The following MICB variants were observed in gnomAD, a reference collection of about 807,000 sequenced individuals.
MICB encodes MHC class I antigen-related protein B.
MICB carries 27 observed loss-of-function variants against 34.3 expected under a neutral mutation model. That is an observed-to-expected ratio of 0.79 (90% confidence interval 0.58 to 1.08). The LOEUF is 1.08. Among genes scored for constraint, MICB ranks in the 50% least tolerant of loss-of-function variants. The probability of loss-of-function intolerance (pLI) is 0.00; values close to 1 mark genes in which losing one functional copy is unlikely to be tolerated. For synonymous variants in MICB, 153 were observed against 187.4 expected (o/e 0.82, Z 1.50); for missense variants, 426 against 483.1 (o/e 0.88, Z 1.11).
intron 3 of MICB, among the ~76,000 whole-genome samples, chr6:31,506,815 G>A (rs1193586894): frequency 2.0e-5 from 3 of 152,158 alleles, no homozygotes; most frequent in Admixed American, 2.0e-4. Context: ...TCAATGTGGG[G>A]ATCCCAGAGC....
In MICB at chr6:31,504,254, C is replaced by CTTTTTTTTTTTT. The variant is rs9281513; in HGVS notation, c.71-1351_71-1340dup. 1.9e-3 allele frequency among the ~76,000 whole-genome samples: 113 copies of CTTTTTTTTTTTT among 60,270 alleles called. 5 individuals are homozygous for CTTTTTTTTTTTT. The highest frequency in any genetic ancestry group is 2.2e-3 in the East Asian group (4 of 1,848). The allele number at this position is 60,270 out of a possible 152,430, so 39.5% of individuals were successfully genotyped here. On this transcript the variant is annotated intron_variant, in intron 1 of 5. Transcript: ENST00000252229. The stretch of plus-strand genomic sequence containing the variant: ...TCTGGAAACTAATCTCTCTCTTTTT[C>CTTTTTTTTTTTT]TTTTTTTTTTTTTTTTTTTTTTTGA...
In MICB at chr6:31,507,652, TG is replaced by T; in HGVS notation, c.1024+125del. 1 of 1,214,904 alleles carries T rather than the reference TG, an allele frequency of 8.2e-7. No individual in the cohort carries two copies. The highest frequency in any genetic ancestry group is 1.2e-6 in the Non-Finnish European group (1 of 855,036). 75.3% of individuals were successfully genotyped at this position (1,214,904 alleles called of 1,614,324 possible). On this transcript the variant is annotated intron_variant, in intron 5 of 5. Transcript: ENST00000252229. The surrounding 1 kb of genome is among the most constrained non-coding windows in gnomAD (Gnocchi z 6.0). ...GGCTGCTGGGACAGGGGATGGAAGC[TG>T]GGGTATTTGGGAGGGGAATGGGAGC...
At chr6:31,500,347 A>G (rs1274365951) in intron 1 of MICB, among the ~76,000 whole-genome samples, 1 of 151,986 alleles carries the variant, frequency 6.6e-6, no homozygotes, top group East Asian at 1.9e-4. Flanking sequence ...GTATATATTT[A>G]TGGGGTACAT....
chr6:31,499,389 C>T (rs1327115557), intron 1 of MICB, among the ~76,000 whole-genome samples: 3 of 151,998 alleles, frequency 2.0e-5, no homozygotes, highest in Non-Finnish European at 4.4e-5. Flanking sequence ...TGATCCATTT[C>T]TAGGGTGTCC....
At chr6:31,505,498 T>C (rs1042844510) in intron 1 of MICB, 119 bp from the exon 2 acceptor site, 145 of 1,419,878 alleles carry the variant, frequency 1.0e-4, no homozygotes, top group African/African-American at 1.6e-4. Context: ...GTTCTTGTCC[T>C]TTTGCCCATG....
chr6:31,495,192 T>C (rs1193201221), upstream of MICB, among the ~76,000 whole-genome samples: 10 of 152,172 alleles, frequency 6.6e-5, no homozygotes, highest in Admixed American at 5.9e-4. Flanking sequence ...ACTGGCTTCA[T>C]GTCTCCCTGA....
chr6:31,499,129 T>C (rs1347398525), intron 1 of MICB, among the ~76,000 whole-genome samples: 1 of 151,996 alleles, frequency 6.6e-6, no homozygotes. Flanking sequence ...GGGTCCTGAC[T>C]CTCAAGCTGA....
chr6:31,508,463 C>T (rs763360035), intron 5 of MICB, among the ~76,000 whole-genome samples: 9 of 152,194 alleles, frequency 5.9e-5, no homozygotes, highest in Non-Finnish European at 7.3e-5. Context: ...GCGGTAGGGG[C>T]GCTGGTTTCT....
Position 31,507,248 on chromosome 6 carries a change from C to T in MICB, c.840C>T (p.Phe280=). 6.2e-7 allele frequency: 1 copy of T among 1,614,102 alleles called. No individual in the cohort carries two copies. Among genetic ancestry groups the T allele is most frequent in the Non-Finnish European group, 8.5e-7 (1 of 1,180,000 alleles). Residue 280 remains phenylalanine, a synonymous_variant, in exon 4 of 6, where the codon TTC becomes TTT. Transcript: ENST00000252229. This position sits in a 1 kb window ranked among gnomAD's most constrained non-coding sequence, Gnocchi z 6.0. ...TRIRQGEEQR[F]TCYMEHSGNH... is the part of the protein sequence containing the mutation. ...TTCGCCAAGGAGAGGAGCAGAGGTT[C>T]ACCTGCTACATGGAACACAGCGGGA...
chr6:31,507,672 T>G lies in MICB; in HGVS notation c.1024+141T>G. ...GAAGCTGGGGTATTTGGGAGGGGAA[T>G]GGGAGCTGCATCTCCATCTACACCC... On this transcript the variant is annotated intron_variant, in intron 5 of 5. Coordinates refer to ENST00000252229, the MANE Select transcript of MICB (RefSeq NM_005931.5). The surrounding 1 kb of genome is among the most constrained non-coding windows in gnomAD (Gnocchi z 6.0). 2 of 1,044,544 alleles carry G rather than the reference T, an allele frequency of 1.9e-6. No homozygotes were observed. Among genetic ancestry groups the G allele is most frequent in the African/African-American group, 1.6e-5 (1 of 62,828 alleles). 64.7% of individuals were successfully genotyped at this position (1,044,544 alleles called of 1,614,324 possible).
At chr6:31,499,643 G>A (rs1448282318) in intron 1 of MICB, among the ~76,000 whole-genome samples, 1 of 152,072 alleles carries the variant, frequency 6.6e-6, no homozygotes, top group East Asian at 1.9e-4. Context: ...GCAGGGCAGC[G>A]CAGATGCCCC....
At position 31,498,736 on chromosome 6, in the gene MICB, G is replaced by A. The variant is rs541700205; in HGVS notation, c.70+473G>A. The A allele has an allele frequency of 1.9e-5, 3 of 156,742 alleles. No homozygotes were observed. The Admixed American group carries it at 2.0e-4, about 10-fold the overall frequency. 9.7% of individuals were successfully genotyped at this position (156,742 alleles called of 1,614,324 possible). The stretch of plus-strand genomic sequence containing the variant: ...CCCGCCTCGGCCTCCCAAAGTGCTG[G>A]GATTACAGGCGTGAGCCACCGCGCC... On this transcript the variant is annotated intron_variant, in intron 1 of 5. Coordinates refer to ENST00000252229, the MANE Select transcript of MICB (RefSeq NM_005931.5).
At chr6:31,497,942 A>G, upstream of MICB, 1 of 306,002 alleles carries the variant, frequency 3.3e-6, no homozygotes, top group Non-Finnish European at 6.3e-6. Context: ...GCGCTCGCGC[A>G]CGCTCCCCCT....
At chr6:31,509,373 C>T (rs1163185651) in intron 5 of MICB, among the ~76,000 whole-genome samples, 2 of 152,234 alleles carry the variant, frequency 1.3e-5, no homozygotes, top group Non-Finnish European at 2.9e-5. Flanking sequence ...CCACAGTGGG[C>T]AGGGCCTGCC....
intron 1 of MICB, among the ~76,000 whole-genome samples, chr6:31,503,006 C>CTT (rs1765090528): frequency 6.6e-6 from 1 of 152,086 alleles, no homozygotes; most frequent in South Asian, 2.1e-4. Flanking sequence ...GGTGATATGG[C>CTT]TTTTGTCCTT....
intron 1 of MICB, among the ~76,000 whole-genome samples, chr6:31,502,404 C>A (rs1176004425): frequency 6.6e-6 from 1 of 152,164 alleles, no homozygotes; most frequent in Admixed American, 6.5e-5. Context: ...TTTTTTGTGT[C>A]CTCTTCAATG....
At chr6:31,509,361 G>A (rs1164088066) in intron 5 of MICB, among the ~76,000 whole-genome samples, 1 of 152,200 alleles carries the variant, frequency 6.6e-6, no homozygotes, top group African/African-American at 2.4e-5. Context: ...AGAGGGCAGG[G>A]CCCACAGTGG....
intron 1 of MICB, among the ~76,000 whole-genome samples, chr6:31,504,053 G>A (rs9267415): frequency 0.34 from 50,857 of 150,120 alleles, 8,774 homozygotes; most frequent in East Asian, 0.46. Context: ...TTTTCCTAAT[G>A]AGTACTGATA....
intron 1 of MICB, among the ~76,000 whole-genome samples, chr6:31,499,329 G>T (rs576091676): frequency 3.0e-4 from 46 of 152,016 alleles, no homozygotes; most frequent in African/African-American, 1.0e-3. Flanking sequence ...GGCGCCCTGG[G>T]TCCTGTTGCT....
Sources: gnomAD v4.1 joint callset for allele counts (sites outside exome capture counted in the v4.1 genomes callset) on GRCh38, gnomAD v4.1.1 for gene constraint, Gnocchi (gnomAD v3.1) non-coding constraint, MANE v1.5 for transcripts, NCBI Gene and HGNC (gene_info 2026-07-23, HGNC 2026-07-21) for gene names.